The following ZC3H12B variants were observed in gnomAD, a reference collection of about 807,000 sequenced individuals.
ZC3H12B encodes zinc finger CCCH-type containing 12B, also known as probable ribonuclease ZC3H12B.
In ZC3H12B, 7 loss-of-function variants were observed where a neutral mutation model predicts 43.9. The ratio of observed to expected loss-of-function variants is 0.16; its 90% CI spans 0.09 to 0.30. The LOEUF (loss-of-function observed/expected upper bound fraction) is 0.30. Among genes scored for constraint, ZC3H12B ranks in the 10% least tolerant of loss-of-function variants. The pLI is 1.00. For missense variants in ZC3H12B, 475 were observed against 670.2 expected (o/e 0.71, Z 3.22); for synonymous variants, 222 against 241.7 (o/e 0.92, Z 0.76).
the ZC3H12B span, chrX:65,330,824 G>A: frequency 3.6e-5 from 7 of 192,671 alleles, no homozygotes; most frequent in Admixed American, 4.5e-4. Context: ...TATCTACCCA[G>A]GCCCTTTTCT....
chrX:65,308,184 C>T, the ZC3H12B span, among the ~76,000 whole-genome samples: 2 of 110,216 alleles, frequency 1.8e-5, no homozygotes, highest in Admixed American at 9.7e-5. Flanking sequence ...ATATTAAGTA[C>T]TCTATCAGAG....
At chrX:65,326,602 G>A in the ZC3H12B span, among the ~76,000 whole-genome samples, 3 of 109,197 alleles carry the variant, frequency 2.7e-5, no homozygotes, top group African/African-American at 1.0e-4. Flanking sequence ...TAGATTGTCA[G>A]CATGACCATA....
the ZC3H12B span, among the ~76,000 whole-genome samples, chrX:65,101,838 A>G: frequency 1.8e-5 from 2 of 112,351 alleles, no homozygotes; most frequent in African/African-American, 6.5e-5. Flanking sequence ...TTCTGATACT[A>G]TTCCAATCAA....
chrX:65,242,869 T>C, the ZC3H12B span, among the ~76,000 whole-genome samples: 2 of 112,361 alleles, frequency 1.8e-5, no homozygotes, highest in East Asian at 5.5e-4. Context: ...TTCAAGAACA[T>C]ATTTGAGAAA....
the ZC3H12B span, among the ~76,000 whole-genome samples, chrX:65,154,084 G>A: frequency 3.6e-5 from 4 of 110,774 alleles, no homozygotes; most frequent in African/African-American, 6.6e-5. Flanking sequence ...CTGTTGTGGG[G>A]TGGGAGGAGG....
At chrX:65,256,908 A>G in the ZC3H12B span, among the ~76,000 whole-genome samples, 1 of 112,218 alleles carries the variant, frequency 8.9e-6, no homozygotes, top group Non-Finnish European at 1.9e-5. Context: ...ATGAGATACC[A>G]TCTCACACCA....
intron 3 of ZC3H12B, among the ~76,000 whole-genome samples, chrX:65,452,527 A>G (rs2067530291): frequency 9.0e-6 from 1 of 111,568 alleles, no homozygotes; most frequent in Admixed American, 9.5e-5. Context: ...GATAGAAATC[A>G]TAGATGACAC....
chrX:65,197,788 G>A, the ZC3H12B span, among the ~76,000 whole-genome samples: 1 of 112,193 alleles, frequency 8.9e-6, no homozygotes, highest in African/African-American at 3.2e-5. Context: ...ACTCGATCTA[G>A]GTTTACTAGC....
intron 3 of ZC3H12B, among the ~76,000 whole-genome samples, chrX:65,409,213 C>T (rs1004276428): frequency 5.4e-5 from 6 of 110,373 alleles, no homozygotes; most frequent in African/African-American, 2.0e-4. Context: ...TTACAAAATA[C>T]TGTAATTTTC....
the ZC3H12B span, among the ~76,000 whole-genome samples, chrX:65,247,272 C>A: frequency 8.9e-6 from 1 of 112,140 alleles, no homozygotes; most frequent in African/African-American, 3.2e-5. Context: ...AAGAGGAATG[C>A]TTATACACTG....
At chrX:65,298,181 G>T in the ZC3H12B span, among the ~76,000 whole-genome samples, 1 of 111,796 alleles carries the variant, frequency 8.9e-6, no homozygotes, top group African/African-American at 3.2e-5. Flanking sequence ...CTTCTGCACA[G>T]CAAAAGAAAC....
chrX:65,427,291 T>G (rs2067094653), intron 3 of ZC3H12B, among the ~76,000 whole-genome samples: 1 of 111,685 alleles, frequency 9.0e-6, no homozygotes, highest in Non-Finnish European at 1.9e-5. Context: ...CCTGTTTTTT[T>G]TCTGTTTTCC....
upstream of ZC3H12B, among the ~76,000 whole-genome samples, chrX:65,362,784 A>G (rs1390331005): frequency 9.0e-6 from 1 of 110,517 alleles, no homozygotes; most frequent in Admixed American, 9.6e-5. Context: ...TCTCCTTACA[A>G]TTCCCCCACT....
chrX:65,102,304 A>T, the ZC3H12B span, among the ~76,000 whole-genome samples: 1 of 112,025 alleles, frequency 8.9e-6, no homozygotes, highest in African/African-American at 3.2e-5. Context: ...GGCTGGAAGC[A>T]TTACCTTTGA....
chrX:65,466,561 T>C (rs1440961843), intron 3 of ZC3H12B, among the ~76,000 whole-genome samples: 1 of 109,910 alleles, frequency 9.1e-6, no homozygotes, highest in Non-Finnish European at 1.9e-5. Flanking sequence ...AAGATACTGA[T>C]TTTATTTCTT....
At chrX:65,167,688 T>A in the ZC3H12B span, among the ~76,000 whole-genome samples, 4 of 112,224 alleles carry the variant, frequency 3.6e-5, no homozygotes, top group East Asian at 1.1e-3. Flanking sequence ...TGGGATGTTC[T>A]TCCATTTGTT....
the ZC3H12B span, among the ~76,000 whole-genome samples, chrX:65,243,708 C>T: frequency 3.6e-5 from 4 of 111,977 alleles, no homozygotes; most frequent in East Asian, 2.8e-4. Flanking sequence ...ATCCAAGATA[C>T]GGAATCAACC....
the ZC3H12B span, among the ~76,000 whole-genome samples, chrX:65,141,088 T>C: frequency 9.0e-6 from 1 of 111,203 alleles, no homozygotes; most frequent in Non-Finnish European, 1.9e-5. Flanking sequence ...ATTATTTATC[T>C]CCTTCTACAA....
chrX:65,039,245 T>C, the ZC3H12B span, among the ~76,000 whole-genome samples: 5 of 111,857 alleles, frequency 4.5e-5, no homozygotes, highest in Non-Finnish European at 7.5e-5. Flanking sequence ...AAAGTTCCCT[T>C]GTAGTCTGAC....
Sources: gnomAD v4.1 joint callset for allele counts (sites outside exome capture counted in the v4.1 genomes callset) on GRCh38, gnomAD v4.1.1 for gene constraint, MANE v1.5 for transcripts, NCBI Gene and HGNC (gene_info 2026-07-23, HGNC 2026-07-21) for gene names.